The following MOB1B variants were observed in gnomAD, a reference collection of about 807,000 sequenced individuals.
The protein encoded by MOB1B is MOB1 Mps One Binder homolog B.
Under a neutral mutation model 24.4 loss-of-function variants are expected in MOB1B, and 19 were observed. The ratio of observed to expected loss-of-function variants is 0.78; its 90% confidence interval spans 0.54 to 1.14. MOB1B has a LOEUF of 1.14. Among genes scored for constraint, MOB1B ranks in the 50% most tolerant of loss-of-function variants. The pLI is 0.00. For synonymous variants in MOB1B, 76 were observed against 82.1 expected, an observed-to-expected ratio of 0.93 and a Z score of 0.40; for missense variants, 243 against 259.6, an observed-to-expected ratio of 0.94 and a Z score of 0.44.
chr4:70,979,223 C>A lies in MOB1B; in HGVS notation c.505C>A (p.Pro169Thr), dbSNP rs777398554. 6.2e-7 allele frequency: 1 copy of A among 1,613,726 alleles called. No individual in the cohort carries two copies. Among genetic ancestry groups the A allele is most frequent in the Non-Finnish European group, 8.5e-7 (1 of 1,179,764 alleles). The change falls in exon 5 of 6, where the codon CCT (proline) becomes ACT (threonine). Residue 169 changes from proline to threonine, a missense_variant. Physicochemically the swap from Pro to Thr is conservative, Grantham distance 38 (BLOSUM62 -1). Coordinates refer to ENST00000309395, the MANE Select transcript of MOB1B (RefSeq NM_173468.4). ...TCACATTTATCATCAGCATTTTGAC[C>A]CTGTGATCCAGCTTCAGGAGGAAGC... is the stretch of plus-strand genomic sequence containing the variant. ...YAHIYHQHFD[P>T]VIQLQEEAHL...
At chr4:70,968,920 G>A (rs1210841615) in intron 2 of MOB1B, among the ~76,000 whole-genome samples, 3 of 152,116 alleles carry the variant, frequency 2.0e-5, no homozygotes, top group African/African-American at 7.2e-5. Context: ...AACTGTGCCT[G>A]GCCAGGTTTT....
At chr4:70,902,733 T>A (rs1017333244) in intron 1 of MOB1B, among the ~76,000 whole-genome samples, 183 bp downstream of exon 1, 3 of 151,928 alleles carry the variant, frequency 2.0e-5, no homozygotes, top group Non-Finnish European at 4.4e-5. Flanking sequence ...AACCGCCGCC[T>A]CCCCATAGGG....
intron 1 of MOB1B, among the ~76,000 whole-genome samples, chr4:70,947,020 CAT>C (rs1436375487): frequency 1.3e-5 from 2 of 152,190 alleles, no homozygotes; most frequent in Non-Finnish European, 2.9e-5. Context: ...ACTCATCTAT[CAT>C]AACAGTCCTT....
At chr4:70,907,229 A>G (rs773990762) in intron 1 of MOB1B, among the ~76,000 whole-genome samples, 14 of 152,172 alleles carry the variant, frequency 9.2e-5, no homozygotes, top group Non-Finnish European at 1.8e-4. Flanking sequence ...TGGTGGCCCA[A>G]TTATTGGCCT....
chr4:70,976,367 ATT>A, intron 4 of MOB1B: 3 of 985,244 alleles, frequency 3.0e-6, no homozygotes, highest in Non-Finnish European at 3.6e-6. Flanking sequence ...GGGAGTTTGA[ATT>A]TATGACCCAC....
At chr4:70,945,121 C>G (rs1737524863) in intron 1 of MOB1B, among the ~76,000 whole-genome samples, 1 of 152,100 alleles carries the variant, frequency 6.6e-6, no homozygotes, top group South Asian at 2.1e-4. Context: ...CATTCTTGTA[C>G]CCAGACTAGC....
rs1467616635 is a variant in MOB1B at position 70,986,766 on chromosome 4, T to G, written c.*4709T>G. 2 of 152,176 alleles carry G rather than the reference T, an allele frequency of 1.3e-5. No homozygotes were observed. The highest frequency in any genetic ancestry group is 4.8e-5 in the African/African-American group (2 of 41,458). 9.4% of individuals were successfully genotyped at this position (152,176 alleles called of 1,614,324 possible). ...TAAATGTTTAGCAGTAAAGCTATCT[T>G]AAGATTTAATGGAAAAGTTTAATTT... On this transcript the variant is annotated 3_prime_UTR_variant, in exon 6 of 6. Coordinates refer to ENST00000309395, the MANE Select transcript of MOB1B (RefSeq NM_173468.4).
At chr4:70,962,616 T>C (rs1164651896) in intron 2 of MOB1B, among the ~76,000 whole-genome samples, 1 of 150,670 alleles carries the variant, frequency 6.6e-6, no homozygotes, top group East Asian at 1.9e-4. Flanking sequence ...AGGAGAAAAA[T>C]CTGTGCAACC....
At chr4:70,938,248 T>G (rs1192455861) in intron 1 of MOB1B, among the ~76,000 whole-genome samples, 2 of 149,638 alleles carry the variant, frequency 1.3e-5, no homozygotes, top group African/African-American at 4.9e-5. Context: ...CTAGGTTATT[T>G]CCTTGAAGAA....
rs1432230809 is a variant in MOB1B at position 70,986,020 on chromosome 4, G to C, written c.*3963G>C. The C allele has an allele frequency of 2.6e-5, 4 of 152,192 alleles. No homozygotes were observed. Among genetic ancestry groups the C allele is most frequent in the African/African-American group, 9.7e-5 (4 of 41,446 alleles). 9.4% of individuals were successfully genotyped at this position (152,192 alleles called of 1,614,324 possible). On this transcript the variant is annotated 3_prime_UTR_variant, in exon 6 of 6. Transcript: ENST00000309395. Reference sequence around the variant, plus strand: ...TTGAAGTGGAAATTATCACTTGGATGTGGAGGTTTTACTTTTTAAAAACAT... The same window carrying C: ...TTGAAGTGGAAATTATCACTTGGATCTGGAGGTTTTACTTTTTAAAAACAT...
intron 4 of MOB1B, chr4:70,975,627 TCAGA>T: frequency 1.0e-6 from 1 of 955,384 alleles, no homozygotes; most frequent in Non-Finnish European, 1.3e-6. Flanking sequence ...GAGTTTATTT[TCAGA>T]CAATGATAGC....
chr4:70,976,803 T>TG (rs1212113593), intron 4 of MOB1B: 5 of 191,830 alleles, frequency 2.6e-5, no homozygotes, highest in Middle Eastern at 2.7e-3. Flanking sequence ...AAGGGTTGGA[T>TG]GAGTGTCCCC....
At chr4:70,931,371 C>G (rs1736884089) in intron 1 of MOB1B, among the ~76,000 whole-genome samples, 1 of 152,170 alleles carries the variant, frequency 6.6e-6, no homozygotes, top group African/African-American at 2.4e-5. Context: ...GTGGTAGTTA[C>G]AAAACTTATA....
chr4:70,975,132 C>CT (rs916943905), intron 3 of MOB1B, 21 bp from the exon 4 acceptor site: 15 of 1,574,366 alleles, frequency 9.5e-6, no homozygotes, highest in Non-Finnish European at 1.3e-5. Flanking sequence ...CTTCTGTGTG[C>CT]TTTTTATCTC....
Position 70,985,050 on chromosome 4 carries a change from T to TTTTTTTTTTTTTTTTTTTTTTTTGAG in MOB1B, c.*2993_*2994insTTTTTTTTTTTTTTTTTTTTTTTGAG, listed in dbSNP as rs1560672121. 1.3e-5 allele frequency: 2 copies of TTTTTTTTTTTTTTTTTTTTTTTTGAG among 152,190 alleles called. No individual in the cohort carries two copies. Among genetic ancestry groups the TTTTTTTTTTTTTTTTTTTTTTTTGAG allele is most frequent in the African/African-American group, 4.8e-5 (2 of 41,444 alleles). 9.4% of individuals were successfully genotyped at this position (152,190 alleles called of 1,614,324 possible). On this transcript the variant is annotated 3_prime_UTR_variant, in exon 6 of 6. Transcript: ENST00000309395. ...TCTCAGACTGAGTTACTGCCTGTCT[T>TTTTTTTTTTTTTTTTTTTTTTTTGAG]ATCAGGATGGATAAAACACTACAGT...
rs925618616 is a variant in MOB1B, at chr4:70,955,354, TTGTC to T, written c.15-3517_15-3514del. Among the ~76,000 whole-genome samples, 62 of 152,280 alleles carry T rather than the reference TTGTC, an allele frequency of 4.1e-4. 1 individual carries two copies. Among genetic ancestry groups the T allele is most frequent in the African/African-American group, 1.4e-3 (58 of 41,556 alleles). On this transcript the variant is annotated intron_variant, in intron 1 of 5. Transcript: ENST00000309395. ...AATTAAAGGAAATATACTTAACACTTTGTCTGAAGATTTGCACCACATTAGTTAT... is the reference window on the plus strand; with the variant it reads ...AATTAAAGGAAATATACTTAACACTTTGAAGATTTGCACCACATTAGTTAT...
chr4:70,910,875 G>A (rs570047913), intron 1 of MOB1B, among the ~76,000 whole-genome samples: 13 of 151,688 alleles, frequency 8.6e-5, no homozygotes, highest in South Asian at 8.3e-4. Context: ...TGCAACCTCC[G>A]CCTCCTGGAT....
At chr4:70,931,296 T>A (rs1383030355) in intron 1 of MOB1B, among the ~76,000 whole-genome samples, 1 of 152,234 alleles carries the variant, frequency 6.6e-6, no homozygotes, top group East Asian at 1.9e-4. Context: ...TCTGAAAGAA[T>A]ATGTCTAGAA....
At chr4:70,931,762 G>T (rs1240830019) in intron 1 of MOB1B, among the ~76,000 whole-genome samples, 1 of 152,120 alleles carries the variant, frequency 6.6e-6, no homozygotes, top group Non-Finnish European at 1.5e-5. Flanking sequence ...TCAGAGACAG[G>T]ATGTCACTCT....
Sources: gnomAD v4.1 joint callset for allele counts (sites outside exome capture counted in the v4.1 genomes callset) on GRCh38, gnomAD v4.1.1 for gene constraint, MANE v1.5 for transcripts, NCBI Gene and HGNC (gene_info 2026-07-23, HGNC 2026-07-21) for gene names.